The following TP53BP2 variants were observed in gnomAD, a reference collection of about 807,000 sequenced individuals.
The protein encoded by TP53BP2 is tumor protein p53 binding protein 2.
In TP53BP2, 62 loss-of-function variants were observed where a neutral mutation model predicts 126.2. The ratio of observed to expected loss-of-function variants is 0.49; its 90% CI spans 0.40 to 0.61. The LOEUF is 0.61. Among genes scored for constraint, TP53BP2 ranks in the 20% least tolerant of loss-of-function variants. The pLI is 0.00. For missense variants in TP53BP2, 1,215 were observed against 1,402.8 expected (o/e 0.87, Z 2.14); for synonymous variants, 485 against 502.9 (o/e 0.96, Z 0.48).
chr1:223,791,834 G>A (rs1444719748), intron 15 of TP53BP2, among the ~76,000 whole-genome samples: 1 of 152,118 alleles, frequency 6.6e-6, no homozygotes, highest in East Asian at 1.9e-4. Context: ...GGGGATGACA[G>A]GACCTTATTA....
rs145151671 is a variant in TP53BP2, at chr1:223,815,481, A to G, written c.176-1128T>C. On this transcript the variant is annotated intron_variant, in intron 2 of 17. Coordinates refer to ENST00000343537, the MANE Select transcript of TP53BP2 (RefSeq NM_001031685.3). ...CCACCCCTACAAAATACACACACACATGCTGTACTCAAAACAAGTAAAATC... is the reference window on the plus strand; with the variant it reads ...CCACCCCTACAAAATACACACACACGTGCTGTACTCAAAACAAGTAAAATC... Among the ~76,000 whole-genome samples, 323 of 152,306 alleles carry G rather than the reference A, an allele frequency of 2.1e-3. 2 individuals carry two copies. Among genetic ancestry groups the G allele is most frequent in the African/African-American group, 7.6e-3 (316 of 41,582 alleles).
chr1:223,821,869 A>G (rs1318058375), intron 1 of TP53BP2, among the ~76,000 whole-genome samples: 1 of 151,480 alleles, frequency 6.6e-6, no homozygotes, highest in Non-Finnish European at 1.5e-5. Context: ...TATAATGTAC[A>G]TATATTACCT....
intron 1 of TP53BP2, among the ~76,000 whole-genome samples, chr1:223,840,177 A>C (rs906059520): frequency 1.3e-5 from 2 of 152,346 alleles, no homozygotes; most frequent in African/African-American, 4.8e-5. Context: ...AAGTGTTTTA[A>C]GAAATCACTG....
Position 223,796,608 on chromosome 1 carries a change from A to G in TP53BP2, c.1949-18T>C. Reference sequence around the variant, plus strand: ...ACCATATACTAATTGGAAAAGGAAAAAAAAAAGCCCTCATTAGCATTAATT... The same window carrying G: ...ACCATATACTAATTGGAAAAGGAAAGAAAAAAGCCCTCATTAGCATTAATT... On this transcript the variant is annotated intron_variant, in intron 12 of 17. Transcript: ENST00000343537. This position sits in a 1 kb window ranked among gnomAD's most constrained non-coding sequence, Gnocchi z 4.2. 1 of 1,544,090 alleles carries G rather than the reference A, an allele frequency of 6.5e-7. No individual in the cohort carries two copies. The highest frequency in any genetic ancestry group is 1.2e-5 in the South Asian group (1 of 81,522).
chr1:223,806,907 T>C lies in TP53BP2; in HGVS notation c.413A>G (p.Gln138Arg), dbSNP rs1334032701. 3 of 1,614,080 alleles carry C rather than the reference T, an allele frequency of 1.9e-6. No homozygotes were observed. The highest frequency in any genetic ancestry group is 2.5e-6 in the Non-Finnish European group (3 of 1,179,946). Residue 138 changes from glutamine to arginine, a missense_variant, in exon 5 of 18, where the codon CAG (glutamine) becomes CGG (arginine). Gln to Arg is a conservative substitution (Grantham distance 43). Around this residue, in one of 4 missense-constraint regions of TP53BP2, gnomAD observed 814 missense variants for 853.0 expected, o/e 0.95. Transcript: ENST00000343537. ...TTGCTGCTGGCGAGATGCCATTTCC[T>C]GAAGTTCAGCAAGAGTCAGATCCAT... ...PRMDLTLAEL[Q>R]EMASRQQQQI...
At chr1:223,792,604 G>C in intron 14 of TP53BP2, 82 bp from the exon 15 acceptor site, 2 of 1,471,738 alleles carry the variant, frequency 1.4e-6, no homozygotes, top group Non-Finnish European at 9.3e-7. Context: ...TTAGGGTCAA[G>C]AGGACAGAAA....
chr1:223,803,126 G>T, intron 7 of TP53BP2, 145 bp downstream of exon 7: 1 of 1,059,156 alleles, frequency 9.4e-7, no homozygotes, highest in South Asian at 1.6e-5. Context: ...GTTTACTCTG[G>T]ATTCTCTGGA....
chr1:223,822,834 G>T (rs919341937), intron 1 of TP53BP2, among the ~76,000 whole-genome samples: 2 of 151,936 alleles, frequency 1.3e-5, no homozygotes, highest in Non-Finnish European at 2.9e-5. Context: ...AGTGAAACAG[G>T]AAACAAGTTT....
intron 9 of TP53BP2, 171 bp downstream of exon 9, chr1:223,801,945 C>T: frequency 1.8e-6 from 1 of 561,938 alleles, no homozygotes; most frequent in Non-Finnish European, 3.0e-6. Context: ...CTTGTACAAC[C>T]AGGGTATCAA....
At chr1:223,820,629 C>T (rs1663268287) in intron 2 of TP53BP2, among the ~76,000 whole-genome samples, 1 of 152,056 alleles carries the variant, frequency 6.6e-6, no homozygotes, top group East Asian at 1.9e-4. Flanking sequence ...TCTGGCATCC[C>T]CAGAGGTGAA....
rs148889692 is a variant in TP53BP2, at chr1:223,799,799, C to T, written c.1485+100G>A. 2.3e-4 allele frequency: 246 copies of T among 1,091,598 alleles called. No individual in the cohort carries two copies. In the African/African-American group the frequency reaches 2.6e-3, roughly 11 times the overall value. The allele number at this position is 1,091,598 out of a possible 1,614,324, so 67.6% of individuals were successfully genotyped here. ...GTATTTTCTAATCTCCTAGGTACATCCTGTTTCTTCTGCTCTCCCTCACAC... is the reference window on the plus strand; with the variant it reads ...GTATTTTCTAATCTCCTAGGTACATTCTGTTTCTTCTGCTCTCCCTCACAC... On this transcript the variant is annotated intron_variant, in intron 11 of 17. Coordinates refer to ENST00000343537, the MANE Select transcript of TP53BP2 (RefSeq NM_001031685.3).
In TP53BP2 at chr1:223,841,175, G is replaced by A. The variant is rs545465146; in HGVS notation, c.27+4479C>T. On this transcript the variant is annotated intron_variant, in intron 1 of 17. Coordinates refer to ENST00000343537, the MANE Select transcript of TP53BP2 (RefSeq NM_001031685.3). ...CAGAACTGCTTTAACCCCAGGAGGC[G>A]GAGGCTGCAGTGAGCCGAGATCGCG... 6.6e-5 allele frequency among the ~76,000 whole-genome samples: 10 copies of A among 152,280 alleles called. No homozygotes were observed. In the South Asian group the frequency reaches 1.4e-3, roughly 22 times the overall value.
At chr1:223,784,029 G>A in intron 17 of TP53BP2, 86 bp downstream of exon 17, 1 of 1,169,318 alleles carries the variant, frequency 8.6e-7, no homozygotes, top group South Asian at 1.2e-5. Flanking sequence ...GGGCAGTTTG[G>A]TGCACTGTAC....
intron 3 of TP53BP2, among the ~76,000 whole-genome samples, chr1:223,812,328 C>A (rs1440405890): frequency 6.6e-6 from 1 of 152,192 alleles, no homozygotes; most frequent in African/African-American, 2.4e-5. Context: ...TTAATCATTC[C>A]TAATGGTCAG....
Position 223,796,540 on chromosome 1 carries a change from C to T in TP53BP2, c.1999G>A (p.Glu667Lys), listed in dbSNP as rs1662330783. 6.2e-7 allele frequency: 1 copy of T among 1,613,456 alleles called. No individual in the cohort carries two copies. Among genetic ancestry groups the T allele is most frequent in the South Asian group, 1.1e-5 (1 of 91,068 alleles). The change falls in exon 13 of 18, where the codon GAG becomes AAG. Residue 667 changes from glutamate to lysine, a missense_variant. Around this residue, in one of 4 missense-constraint regions of TP53BP2, gnomAD observed 814 missense variants for 853.0 expected, o/e 0.95. Coordinates refer to ENST00000343537, the MANE Select transcript of TP53BP2 (RefSeq NM_001031685.3). The surrounding 1 kb of genome is among the most constrained non-coding windows in gnomAD (Gnocchi z 4.2). ...CCCTGGCTATTGGAATAAATGTTCT[C>T]TGGGTGCTGCTGTTGATTCTGGGCA... ...AAAQNQQQHPENIYSNSQGKP... is the reference protein window; with the variant it reads ...AAAQNQQQHPKNIYSNSQGKP...
At position 223,845,784 on chromosome 1, in the gene TP53BP2, G is replaced by A. The variant is rs1479164391; in HGVS notation, c.-104C>T. ...GAGCGAGGCCGCCCGGACCTGTTGC[G>A]AGGCGGCGGCGGCGGCAGCGGCGGC... On this transcript the variant is annotated 5_prime_UTR_variant, in exon 1 of 18. Transcript: ENST00000343537. The A allele has an allele frequency of 8.6e-7, 1 of 1,167,682 alleles. No homozygotes were observed. Among genetic ancestry groups the A allele is most frequent in the African/African-American group, 1.6e-5 (1 of 61,310 alleles). The allele number at this position is 1,167,682 out of a possible 1,614,324, so 72.3% of individuals were successfully genotyped here.
At position 223,831,011 on chromosome 1, in the gene TP53BP2, T is replaced by C. The variant is rs907693741; in HGVS notation, c.28-9644A>G. 5.9e-5 allele frequency among the ~76,000 whole-genome samples: 9 copies of C among 151,986 alleles called. No individual in the cohort carries two copies. In the South Asian group the frequency reaches 1.7e-3, roughly 28 times the overall value. On this transcript the variant is annotated intron_variant, in intron 1 of 17. Coordinates refer to ENST00000343537, the MANE Select transcript of TP53BP2 (RefSeq NM_001031685.3). ...TACTCAGGAGGCTGGGGCAGGAGAA[T>C]GGCATGAACCTGGGAGGCGGAGCTT...
Position 223,845,659 on chromosome 1 carries a change from TC to T in TP53BP2, c.21del (p.Met7IlefsTer91). 19 of 1,555,524 alleles carry T rather than the reference TC, an allele frequency of 1.2e-5. No individual in the cohort carries two copies. Among genetic ancestry groups the T allele is most frequent in the Non-Finnish European group, 1.6e-5 (19 of 1,158,618 alleles). On this transcript the variant is annotated frameshift_variant, in exon 1 of 18. Coordinates refer to ENST00000343537, the MANE Select transcript of TP53BP2 (RefSeq NM_001031685.3). LOFTEE classifies it high-confidence loss of function. ...CTGGCCGCTCGCCCACTTACCGGCA[TC>T]ATCTTGGACCCGAACCGCATGGAAG... Reference protein sequence around the residue: MRFGSKMMPMFLTVYLS... With the variant: MRFGSKXMPMFLTVYLS...
Position 223,800,782 on chromosome 1 carries a change from A to G in TP53BP2, c.1254T>C (p.Asp418=). 1.2e-6 allele frequency: 2 copies of G among 1,610,388 alleles called. No homozygotes were observed. Among genetic ancestry groups the G allele is most frequent in the Non-Finnish European group, 1.7e-6 (2 of 1,179,080 alleles). Reference sequence around the variant, plus strand: ...AAAGATCTGCATTTGAAGGACTCCAATCAGGGCCAACTGGATGGATTTTAG... The same window carrying G: ...AAAGATCTGCATTTGAAGGACTCCAGTCAGGGCCAACTGGATGGATTTTAG... ...KGSKIHPVGP[D]WSPSNADLFP... Residue 418 remains aspartate, a synonymous_variant, in exon 10 of 18, where the codon GAT becomes GAC. Coordinates refer to ENST00000343537, the MANE Select transcript of TP53BP2 (RefSeq NM_001031685.3).
Sources: allele counts gnomAD v4.1 joint callset (sites outside exome capture counted in the v4.1 genomes callset), GRCh38; gene constraint gnomAD v4.1.1; regional missense constraint gnomAD v4.1.1; non-coding constraint Gnocchi (gnomAD v3.1); transcripts MANE v1.5; gene names NCBI Gene and HGNC (gene_info 2026-07-23, HGNC 2026-07-21).